The following ADCY8 variants were observed in gnomAD, a reference collection of about 807,000 sequenced individuals.
ADCY8 encodes adenylate cyclase 8.
Under a neutral mutation model 119.7 loss-of-function variants are expected in ADCY8, and 51 were observed. The ratio of observed to expected loss-of-function variants is 0.43; its 90% CI spans 0.34 to 0.54. The LOEUF (loss-of-function observed/expected upper bound fraction) is 0.54, where lower values mean the gene tolerates loss of function less well. ADCY8 is among the 20% of genes least tolerant of loss of function. ADCY8 has a pLI of 0.03. For missense variants in ADCY8, 1,383 were observed against 1,598.8 expected, an observed-to-expected ratio of 0.87 and a Z score of 2.30; for synonymous variants, 665 against 651.0, an observed-to-expected ratio of 1.02 and a Z score of -0.33.
rs756585882 is a variant in ADCY8 at position 130,884,653 on chromosome 8, T to C, written c.2020A>G (p.Thr674Ala). 3.7e-6 allele frequency: 6 copies of C among 1,613,898 alleles called. No individual in the cohort carries two copies. The South Asian group carries it at 6.6e-5, about 18-fold the overall frequency. ...TTATCGCCACTCCGCAAGTCGATGG[T>C]ATGTTCTATTCTCTTGTTAATTTCC... ...PEEINKRIEHTIDLRSGDKLR... is the reference protein window; with the variant it reads ...PEEINKRIEHAIDLRSGDKLR... The change falls in exon 8 of 18, where the codon ACC becomes GCC. Residue 674 changes from threonine to alanine, a missense_variant. Thr to Ala is a moderately conservative substitution (Grantham distance 58). Coordinates refer to ENST00000286355, the MANE Select transcript of ADCY8 (RefSeq NM_001115.3).
chr8:130,829,194 C>A (rs1448681069), intron 12 of ADCY8, among the ~76,000 whole-genome samples: 1 of 152,164 alleles, frequency 6.6e-6, no homozygotes, highest in Non-Finnish European at 1.5e-5. Context: ...TCTGGGTAGG[C>A]AAGCTGATCC....
intron 15 of ADCY8, among the ~76,000 whole-genome samples, chr8:130,795,892 C>T (rs1006504780): frequency 6.6e-6 from 1 of 152,192 alleles, no homozygotes; most frequent in Admixed American, 6.5e-5. Flanking sequence ...TCTGCTGTCA[C>T]AGAGATTCTG....
chr8:130,964,626 CT>C (rs1469820207), intron 2 of ADCY8, among the ~76,000 whole-genome samples: 1 of 152,156 alleles, frequency 6.6e-6, no homozygotes, highest in Non-Finnish European at 1.5e-5. Context: ...GGAAGTCACT[CT>C]GATAATTTTG....
At chr8:130,984,416 G>C (rs1822334531) in intron 2 of ADCY8, among the ~76,000 whole-genome samples, 1 of 151,534 alleles carries the variant, frequency 6.6e-6, no homozygotes, top group African/African-American at 2.4e-5. Context: ...AGAAGGACAA[G>C]AATAGGTGAA....
intron 5 of ADCY8, among the ~76,000 whole-genome samples, chr8:130,917,383 G>C (rs2130571225): frequency 6.6e-6 from 1 of 152,344 alleles, no homozygotes; most frequent in African/African-American, 2.4e-5. Flanking sequence ...GAGAGGTTAA[G>C]TCACACGGGT....
At chr8:130,803,017 T>C (rs1203745601) in intron 14 of ADCY8, among the ~76,000 whole-genome samples, 1 of 152,234 alleles carries the variant, frequency 6.6e-6, no homozygotes, top group Non-Finnish European at 1.5e-5. Flanking sequence ...CATTTATCGG[T>C]TGCCTTCCTT....
chr8:130,971,507 A>G (rs7836929), intron 2 of ADCY8, among the ~76,000 whole-genome samples: 2,641 of 152,272 alleles, frequency 0.017, 80 homozygotes, highest in African/African-American at 0.059. Flanking sequence ...ATCTATTGAG[A>G]TAATCATTCA....
At chr8:130,810,541 A>G (rs1387739770) in intron 14 of ADCY8, among the ~76,000 whole-genome samples, 1 of 152,222 alleles carries the variant, frequency 6.6e-6, no homozygotes, top group African/African-American at 2.4e-5. Context: ...CAGTTTCCTC[A>G]TCAATACTAT....
At chr8:131,019,332 C>A (rs539246206) in intron 1 of ADCY8, among the ~76,000 whole-genome samples, 1 of 152,300 alleles carries the variant, frequency 6.6e-6, no homozygotes, top group East Asian at 1.9e-4. Flanking sequence ...GTGGAAGCCA[C>A]AAGTATTTTT....
At chr8:131,005,060 C>T (rs1377154104) in intron 1 of ADCY8, among the ~76,000 whole-genome samples, 2 of 152,208 alleles carry the variant, frequency 1.3e-5, no homozygotes, top group Admixed American at 6.5e-5. Context: ...AGTCTCTGTC[C>T]CCCTAGATCT....
At chr8:130,829,083 C>A (rs1027423032) in intron 12 of ADCY8, among the ~76,000 whole-genome samples, 1 of 152,156 alleles carries the variant, frequency 6.6e-6, no homozygotes, top group Non-Finnish European at 1.5e-5. Flanking sequence ...GTGAGCGTGA[C>A]AAATCCCAAT....
chr8:130,939,624 A>C (rs1820897798), intron 4 of ADCY8, among the ~76,000 whole-genome samples: 1 of 152,184 alleles, frequency 6.6e-6, no homozygotes, highest in Non-Finnish European at 1.5e-5. Flanking sequence ...ATTCCAGAGA[A>C]ATTTACCAGC....
chr8:130,787,662 G>C (rs191549782), intron 15 of ADCY8, among the ~76,000 whole-genome samples: 2 of 141,878 alleles, frequency 1.4e-5, no homozygotes, highest in Non-Finnish European at 3.2e-5. Context: ...CATGTGTGAT[G>C]TTTATGTGCA....
chr8:130,846,252 C>A (rs1283371362), intron 11 of ADCY8, among the ~76,000 whole-genome samples: 1 of 152,038 alleles, frequency 6.6e-6, no homozygotes, highest in Non-Finnish European at 1.5e-5. Flanking sequence ...GTTAACTGTT[C>A]TACTTTATGA....
chr8:130,797,803 C>G (rs1275524543), intron 15 of ADCY8, among the ~76,000 whole-genome samples: 1 of 152,234 alleles, frequency 6.6e-6, no homozygotes, highest in Admixed American at 6.5e-5. Flanking sequence ...GAAGTGATCA[C>G]GTCTTATCCA....
chr8:130,833,032 G>A (rs1041045451), intron 12 of ADCY8, among the ~76,000 whole-genome samples: 4 of 152,146 alleles, frequency 2.6e-5, no homozygotes, highest in African/African-American at 9.7e-5. Flanking sequence ...CTCTAAAGGT[G>A]GCTTATTTTG....
chr8:130,860,577 G>T (rs1817893023), intron 9 of ADCY8, among the ~76,000 whole-genome samples: 1 of 152,048 alleles, frequency 6.6e-6, no homozygotes. Context: ...GAAGGTTTAA[G>T]GTCTGTGTAT....
rs6470876 is a variant in ADCY8 at position 130,991,909 on chromosome 8, A to C, written c.961-1367T>G. On this transcript the variant is annotated intron_variant, in intron 1 of 17. Coordinates refer to ENST00000286355, the MANE Select transcript of ADCY8 (RefSeq NM_001115.3). ...AAATAAGAAAAGAAATAGAAACCTC[A>C]AAAAAGGAAAATTTCAGAACTGAAA... 5.5e-3 allele frequency among the ~76,000 whole-genome samples: 844 copies of C among 152,196 alleles called. 7 individuals are homozygous for C. Among genetic ancestry groups the C allele is most frequent in the Non-Finnish European group, 9.0e-3 (611 of 67,984 alleles).
intron 1 of ADCY8, among the ~76,000 whole-genome samples, chr8:131,024,031 A>G (rs1823752568): frequency 6.6e-6 from 1 of 152,126 alleles, no homozygotes; most frequent in Non-Finnish European, 1.5e-5. Flanking sequence ...AATGATTGCT[A>G]TTTTTGTCCA....
Sources: gnomAD v4.1 joint callset for allele counts (sites outside exome capture counted in the v4.1 genomes callset) on GRCh38, gnomAD v4.1.1 for gene constraint, MANE v1.5 for transcripts, NCBI Gene and HGNC (gene_info 2026-07-23, HGNC 2026-07-21) for gene names.